TMEM127: variants seen among roughly 807,000 people sequenced by gnomAD.
TMEM127 encodes the protein transmembrane protein 127.
A neutral mutation model predicts 20.1 loss-of-function variants in TMEM127; 21 were observed. The ratio of observed to expected loss-of-function variants is 1.04; its 90% CI spans 0.74 to 1.50. The LOEUF is 1.50. TMEM127 is among the 40% of genes most tolerant of loss of function. The pLI is 0.00. For synonymous variants in TMEM127, 150 were observed against 144.7 expected (o/e 1.04, Z -0.26); for missense variants, 303 against 317.4 (o/e 0.95, Z 0.34).
chr2:96,265,592 G>T, intron 1 of TMEM127, 80 bp from the exon 2 acceptor site: 1 of 526,826 alleles, frequency 1.9e-6, no homozygotes, highest in Non-Finnish European at 2.9e-6. Context: ...AATTCGGGGG[G>T]CGGAGACAGG....
Position 96,254,962 on chromosome 2 carries a change from G to A in TMEM127, c.280C>T (p.Arg94Trp), listed in dbSNP as rs121908824. The A allele has an allele frequency of 2.5e-5, 41 of 1,614,114 alleles. No individual in the cohort carries two copies. The highest frequency in any genetic ancestry group is 6.7e-5 in the African/African-American group (5 of 74,940). The part of the protein sequence containing the change: ...CMNPQTVLLL[R>W]VIAAFCFLGI... ...AGGAAACAGAAGGCGGCGATGACCC[G>A]CAGGAGCAGCACTGTCTGGGGATTC... is the stretch of plus-strand genomic sequence containing the variant. The change falls in exon 3 of 4, where the codon CGG (arginine) becomes TGG (tryptophan). Residue 94 changes from arginine to tryptophan, a missense_variant. Coordinates refer to ENST00000258439, the MANE Select transcript of TMEM127 (RefSeq NM_017849.4).
rs980243112 is a variant in TMEM127, at chr2:96,253,206, G to C, written c.*602C>G. On this transcript the variant is annotated 3_prime_UTR_variant, in exon 4 of 4. Transcript: ENST00000258439. The surrounding 1 kb of genome is among the most constrained non-coding windows in gnomAD (Gnocchi z 4.3). ...AGCCACATGAAGCAAGGGCAGAGAG[G>C]GTTGCAACTGCTCTGCCTTCCCAAC... 4.3e-6 allele frequency: 1 copy of C among 234,528 alleles called. No homozygotes were observed. Among genetic ancestry groups the C allele is most frequent in the Admixed American group, 5.6e-5 (1 of 17,928 alleles). 14.5% of individuals were successfully genotyped at this position (234,528 alleles called of 1,614,324 possible).
chr2:96,260,790 T>A (rs1213100753), intron 2 of TMEM127, among the ~76,000 whole-genome samples: 1 of 152,194 alleles, frequency 6.6e-6, no homozygotes, highest in Non-Finnish European at 1.5e-5. Flanking sequence ...ACTTCCCCAA[T>A]GCCCCAATCC....
In TMEM127 at chr2:96,250,257, G is replaced by A. The variant is rs886188174; in HGVS notation, c.*3551C>T. Reference sequence around the variant, plus strand: ...TAACCTCGGCTCTTACCACCTCCTGGCCACCAGTGTGCTTTTGCTCTTGCC... The same window carrying A: ...TAACCTCGGCTCTTACCACCTCCTGACCACCAGTGTGCTTTTGCTCTTGCC... On this transcript the variant is annotated 3_prime_UTR_variant, in exon 4 of 4. Coordinates refer to ENST00000258439, the MANE Select transcript of TMEM127 (RefSeq NM_017849.4). 8.6e-6 allele frequency: 2 copies of A among 232,814 alleles called. No individual in the cohort carries two copies. The highest frequency in any genetic ancestry group is 4.4e-5 in the African/African-American group (2 of 45,250). 14.4% of individuals were successfully genotyped at this position (232,814 alleles called of 1,614,324 possible). A position where few individuals can be genotyped will look rare whatever the true frequency, so the allele number is the denominator to read the frequency against.
chr2:96,264,793 C>A (rs968588329), intron 2 of TMEM127, among the ~76,000 whole-genome samples: 1 of 152,252 alleles, frequency 6.6e-6, no homozygotes, highest in East Asian at 1.9e-4. Flanking sequence ...TCAGTCTGCC[C>A]CAAAGAAGCT....
intron 2 of TMEM127, among the ~76,000 whole-genome samples, chr2:96,259,909 CCTT>C (rs974086336): frequency 6.6e-6 from 1 of 152,228 alleles, no homozygotes; most frequent in African/African-American, 2.4e-5. Context: ...GCATGCCTTT[CCTT>C]CTTCTACCAA....
rs546105756 is a variant in TMEM127 at position 96,254,951 on chromosome 2, G to C, written c.291C>G (p.Ala97=). Residue 97 remains alanine (A), a synonymous_variant, in exon 3 of 4, where the codon GCC becomes GCG. Transcript: ENST00000258439. ...PQTVLLLRVI[A]AFCFLGILCS... ...ACAGGATGCCCAGGAAACAGAAGGC[G>C]GCGATGACCCGCAGGAGCAGCACTG... 1.9e-6 allele frequency: 3 copies of C among 1,614,232 alleles called. No homozygotes were observed. Among genetic ancestry groups the C allele is most frequent in the South Asian group, 2.2e-5 (2 of 91,086 alleles).
rs962403291 is a variant in TMEM127 at position 96,265,435 on chromosome 2, C to T, written c.-54G>A. The T allele has an allele frequency of 4.6e-6, 6 of 1,310,116 alleles. No homozygotes were observed. The highest frequency in any genetic ancestry group is 4.1e-5 in the Admixed American group (1 of 24,498). 81.2% of individuals were successfully genotyped at this position (1,310,116 alleles called of 1,614,324 possible). On this transcript the variant is annotated 5_prime_UTR_variant, in exon 2 of 4. Coordinates refer to ENST00000258439, the MANE Select transcript of TMEM127 (RefSeq NM_017849.4). ...GTCGCTGCTGGTCGCCGCCGACCTC[C>T]GCGGGGCGCGCAGAGCCTGACAGTC...
Position 96,253,751 on chromosome 2 carries a change from G to C in TMEM127, c.*57C>G. The C allele has an allele frequency of 6.5e-7, 1 of 1,544,474 alleles. No homozygotes were observed. The highest frequency in any genetic ancestry group is 8.8e-7 in the Non-Finnish European group (1 of 1,135,108). On this transcript the variant is annotated 3_prime_UTR_variant, in exon 4 of 4. Coordinates refer to ENST00000258439, the MANE Select transcript of TMEM127 (RefSeq NM_017849.4). This position sits in a 1 kb window ranked among gnomAD's most constrained non-coding sequence, Gnocchi z 4.3. ...TGGGGAAAGGAGCTCCTCTGGGTGC[G>C]AGAGGAGCTGCAGAGTTGAGGGAGG...
At chr2:96,256,089 G>A (rs534036156) in intron 2 of TMEM127, among the ~76,000 whole-genome samples, 1 of 151,390 alleles carries the variant, frequency 6.6e-6, no homozygotes, top group Non-Finnish European at 1.5e-5. Flanking sequence ...TGGCCAACAT[G>A]GTGAAACCCC....
In TMEM127 at chr2:96,249,602, C is replaced by CA. The variant is rs909069042; in HGVS notation, c.*4205dup. Reference sequence around the variant, plus strand: ...GTGAGACTGTCTCTACCCACCCCCACAAAAAAAACATTTTCTCTTCTCCAC... The same window carrying CA: ...GTGAGACTGTCTCTACCCACCCCCACAAAAAAAAACATTTTCTCTTCTCCAC... On this transcript the variant is annotated 3_prime_UTR_variant, in exon 4 of 4. Transcript: ENST00000258439. 2.3e-4 allele frequency: 52 copies of CA among 230,468 alleles called. No homozygotes were observed. The highest frequency in any genetic ancestry group is 3.7e-4 in the East Asian group (6 of 16,386). The allele number at this position is 230,468 out of a possible 1,614,324, so 14.3% of individuals were successfully genotyped here.
intron 2 of TMEM127, among the ~76,000 whole-genome samples, chr2:96,258,612 A>C (rs973214251): frequency 1.6e-4 from 24 of 152,208 alleles, no homozygotes; most frequent in African/African-American, 4.3e-4. Context: ...GTCTACTGCC[A>C]GAAAGCCTGC....
intron 2 of TMEM127, among the ~76,000 whole-genome samples, chr2:96,261,276 CTTTTT>C (rs912308390): frequency 7.1e-6 from 1 of 140,644 alleles, no homozygotes; most frequent in South Asian, 2.3e-4. Flanking sequence ...AGGATGAGGT[CTTTTT>C]TTTTTTTTTT....
rs1684077084 is a variant in TMEM127 at position 96,251,049 on chromosome 2, G to A, written c.*2759C>T. 1 of 219,658 alleles carries A rather than the reference G, an allele frequency of 4.6e-6. No individual in the cohort carries two copies. The highest frequency in any genetic ancestry group is 9.1e-6 in the Non-Finnish European group (1 of 109,412). The allele number at this position is 219,658 out of a possible 1,614,324, so 13.6% of individuals were successfully genotyped here. On this transcript the variant is annotated 3_prime_UTR_variant, in exon 4 of 4. Transcript: ENST00000258439. ...TCTCCTCTATAGCTCACCAGAGGAT[G>A]CAGCCTGAAGAGCTCAGGGTTTGAA... is the stretch of plus-strand genomic sequence containing the variant.
intron 2 of TMEM127, among the ~76,000 whole-genome samples, chr2:96,261,417 G>A (rs1164037345): frequency 6.6e-6 from 1 of 152,110 alleles, no homozygotes; most frequent in Non-Finnish European, 1.5e-5. Flanking sequence ...CCAAAGTGCT[G>A]AGATTACAGG....
In TMEM127 at chr2:96,254,918, G is replaced by A. The variant is rs148381232; in HGVS notation, c.324C>T (p.Leu108=). ...CAAAGACATCCAGAAGGAAAGCGGA[G>A]AGACTACACAGGATGCCCAGGAAAC... The part of the protein sequence containing the change: ...AFCFLGILCS[L]SAFLLDVFGP... Residue 108 remains leucine (L), a synonymous_variant, in exon 3 of 4, where the codon CTC becomes CTT. Transcript: ENST00000258439. The A allele has an allele frequency of 1.1e-4, 182 of 1,613,954 alleles. No homozygotes were observed. Among genetic ancestry groups the A allele is most frequent in the Non-Finnish European group, 1.4e-4 (165 of 1,179,990 alleles).
At position 96,252,556 on chromosome 2, in the gene TMEM127, G is replaced by C. The variant is rs886056441; in HGVS notation, c.*1252C>G. ...ACCAGAGTACATTCAAGAGGGGAGA[G>C]GGCACGTGGCAAGCTGGAGTCCCGA... is the stretch of plus-strand genomic sequence containing the variant. On this transcript the variant is annotated 3_prime_UTR_variant, in exon 4 of 4. Coordinates refer to ENST00000258439, the MANE Select transcript of TMEM127 (RefSeq NM_017849.4). This position sits in a 1 kb window ranked among gnomAD's most constrained non-coding sequence, Gnocchi z 4.2. 1 of 234,016 alleles carries C rather than the reference G, an allele frequency of 4.3e-6. No homozygotes were observed. The allele number at this position is 234,016 out of a possible 1,614,324, so 14.5% of individuals were successfully genotyped here.
Position 96,252,550 on chromosome 2 carries a change from G to A in TMEM127, c.*1258C>T. ...TGCAAGACCAGAGTACATTCAAGAG[G>A]GGAGAGGGCACGTGGCAAGCTGGAG... On this transcript the variant is annotated 3_prime_UTR_variant, in exon 4 of 4. Coordinates refer to ENST00000258439, the MANE Select transcript of TMEM127 (RefSeq NM_017849.4). This position sits in a 1 kb window ranked among gnomAD's most constrained non-coding sequence, Gnocchi z 4.2. The A allele has an allele frequency of 8.5e-6, 2 of 234,012 alleles. No homozygotes were observed. Among genetic ancestry groups the A allele is most frequent in the East Asian group, 6.0e-5 (1 of 16,596 alleles). 14.5% of individuals were successfully genotyped at this position (234,012 alleles called of 1,614,324 possible). A position where few individuals can be genotyped will look rare whatever the true frequency, so the allele number is the denominator to read the frequency against.
chr2:96,262,763 T>C (rs1330955389), intron 2 of TMEM127, among the ~76,000 whole-genome samples: 1 of 152,114 alleles, frequency 6.6e-6, no homozygotes, highest in Non-Finnish European at 1.5e-5. Context: ...CTGGGCTCAC[T>C]GCAACCTCAC....
Sources: gnomAD v4.1 joint callset for allele counts (sites outside exome capture counted in the v4.1 genomes callset) on GRCh38, gnomAD v4.1.1 for gene constraint, Gnocchi (gnomAD v3.1) non-coding constraint, MANE v1.5 for transcripts, NCBI Gene and HGNC (gene_info 2026-07-23, HGNC 2026-07-21) for gene names.